SMCO4: variants seen among roughly 807,000 people sequenced by gnomAD.
The protein encoded by SMCO4 is single-pass membrane protein with coiled-coil domains 4.
Under a neutral mutation model 3.6 loss-of-function variants are expected in SMCO4, and 4 were observed. The ratio of observed to expected loss-of-function variants is 1.11; its 90% confidence interval spans 0.54 to 2.53. The LOEUF (loss-of-function observed/expected upper bound fraction) is 2.53. Among genes scored for constraint, SMCO4 ranks in the 30% most tolerant of loss-of-function variants. SMCO4 has a pLI of 0.02. For missense variants in SMCO4, 70 were observed against 80.8 expected, an observed-to-expected ratio of 0.87 and a Z score of 0.51; for synonymous variants, 36 against 35.3, an observed-to-expected ratio of 1.02 and a Z score of -0.07.
intron 2 of SMCO4, among the ~76,000 whole-genome samples, chr11:93,487,686 A>G (rs951899237): frequency 6.6e-6 from 1 of 152,206 alleles, no homozygotes; most frequent in Non-Finnish European, 1.5e-5. Context: ...TTGGATTAAT[A>G]AAGTGCTTTT....
chr11:93,549,313 C>G, the SMCO4 span, among the ~76,000 whole-genome samples: 3 of 152,224 alleles, frequency 2.0e-5, no homozygotes, highest in African/African-American at 7.2e-5. Context: ...TGGTTAAATA[C>G]AAAGTTCAAA....
chr11:93,511,402 T>C (rs1442749953), intron 1 of SMCO4, among the ~76,000 whole-genome samples: 3 of 152,048 alleles, frequency 2.0e-5, no homozygotes, highest in Non-Finnish European at 4.4e-5. Flanking sequence ...TCAAATAGCA[T>C]CATTGCATTA....
At chr11:93,492,607 A>G (rs1948731269) in intron 2 of SMCO4, among the ~76,000 whole-genome samples, 2 of 152,252 alleles carry the variant, frequency 1.3e-5, no homozygotes, top group Non-Finnish European at 2.9e-5. Flanking sequence ...TGGAGAGCAG[A>G]GGCCTGCAGG....
At chr11:93,534,468 T>C (rs535992805) in intron 1 of SMCO4, among the ~76,000 whole-genome samples, 1 of 151,792 alleles carries the variant, frequency 6.6e-6, no homozygotes, top group East Asian at 1.9e-4. Context: ...AATTAGGTAA[T>C]ATGCTGAGAG....
chr11:93,503,621 G>A (rs1010434910), intron 1 of SMCO4, among the ~76,000 whole-genome samples: 1 of 152,096 alleles, frequency 6.6e-6, no homozygotes, highest in Non-Finnish European at 1.5e-5. Context: ...TTATAAGAAA[G>A]GTAGATTACA....
At chr11:93,530,317 C>A (rs1949150060) in intron 1 of SMCO4, among the ~76,000 whole-genome samples, 1 of 152,114 alleles carries the variant, frequency 6.6e-6, no homozygotes, top group African/African-American at 2.4e-5. Context: ...GCCACCACAG[C>A]CTTGTCTGTT....
chr11:93,507,170 C>T (rs1485378326), intron 1 of SMCO4, among the ~76,000 whole-genome samples: 1 of 152,062 alleles, frequency 6.6e-6, no homozygotes, highest in African/African-American at 2.4e-5. Flanking sequence ...TTTGGGAGGC[C>T]GAGGCAGGCA....
At chr11:93,492,253 C>T (rs1458337990) in intron 2 of SMCO4, among the ~76,000 whole-genome samples, 2 of 152,218 alleles carry the variant, frequency 1.3e-5, no homozygotes, top group Non-Finnish European at 2.9e-5. Flanking sequence ...CTCACCAATT[C>T]ATTCTTTCAA....
At chr11:93,535,556 T>G in intron 1 of SMCO4, 6 of 1,467,490 alleles carry the variant, frequency 4.1e-6, no homozygotes, top group Non-Finnish European at 4.8e-6. Context: ...CATATCACCT[T>G]GAAGAAGTAT....
chr11:93,520,207 A>G (rs1949045294), intron 1 of SMCO4, among the ~76,000 whole-genome samples: 1 of 152,230 alleles, frequency 6.6e-6, no homozygotes, highest in South Asian at 2.1e-4. Flanking sequence ...TTAGGAGTTC[A>G]GCAACATACC....
intron 1 of SMCO4, among the ~76,000 whole-genome samples, chr11:93,542,142 T>C (rs947267163): frequency 1.3e-4 from 20 of 149,088 alleles, no homozygotes; most frequent in Admixed American, 1.3e-3. Flanking sequence ...ATGAGTCATC[T>C]GCATTGTCAA....
chr11:93,525,031 A>C (rs1949093149), intron 1 of SMCO4, among the ~76,000 whole-genome samples: 2 of 152,176 alleles, frequency 1.3e-5, no homozygotes, highest in Admixed American at 1.3e-4. Context: ...TACTCAGAGG[A>C]AGGTTGCACT....
chr11:93,486,481 C>A (rs545049866), intron 2 of SMCO4, among the ~76,000 whole-genome samples: 1 of 152,348 alleles, frequency 6.6e-6, no homozygotes, highest in Admixed American at 6.5e-5. Flanking sequence ...CAGGTAAAGT[C>A]TGTTGCTTAC....
At chr11:93,519,939 G>A (rs910920429) in intron 1 of SMCO4, among the ~76,000 whole-genome samples, 1 of 152,198 alleles carries the variant, frequency 6.6e-6, no homozygotes, top group Non-Finnish European at 1.5e-5. Context: ...ATAAAACCAT[G>A]AGGAGTCATT....
At chr11:93,496,750 C>T (rs896998121) in intron 2 of SMCO4, among the ~76,000 whole-genome samples, 3 of 152,156 alleles carry the variant, frequency 2.0e-5, no homozygotes, top group Non-Finnish European at 2.9e-5. Flanking sequence ...AAAACAATAA[C>T]CTTAACAGTA....
At chr11:93,540,102 A>G (rs1245828911) in intron 1 of SMCO4, among the ~76,000 whole-genome samples, 1 of 152,052 alleles carries the variant, frequency 6.6e-6, no homozygotes, top group Non-Finnish European at 1.5e-5. Flanking sequence ...GCCCTGGAAT[A>G]TTCATTGCGC....
intron 1 of SMCO4, chr11:93,535,609 G>T (rs1949214926): frequency 6.4e-7 from 1 of 1,559,208 alleles, no homozygotes; most frequent in South Asian, 1.1e-5. Flanking sequence ...TACTGTGGAG[G>T]GCTTTGAGCC....
At chr11:93,500,712 T>C (rs1001366149) in intron 1 of SMCO4, among the ~76,000 whole-genome samples, 23 of 152,236 alleles carry the variant, frequency 1.5e-4, no homozygotes, top group African/African-American at 4.6e-4. Context: ...TCTGAAAATA[T>C]GGAAAGTTAA....
upstream of SMCO4, among the ~76,000 whole-genome samples, chr11:93,547,208 T>G (rs932353412): frequency 1.3e-5 from 2 of 152,158 alleles, no homozygotes; most frequent in South Asian, 4.2e-4. Context: ...GGTTTTTCTG[T>G]TTTTGCATCA....
Sources: gnomAD v4.1 joint callset for allele counts (sites outside exome capture counted in the v4.1 genomes callset) on GRCh38, gnomAD v4.1.1 for gene constraint, MANE v1.5 for transcripts, NCBI Gene and HGNC (gene_info 2026-07-23, HGNC 2026-07-21) for gene names.